Variants in ADAM28 observed in about 807,000 individuals in gnomAD.
ADAM28 encodes the protein disintegrin and metalloproteinase domain-containing protein 28.
ADAM28 carries 105 observed loss-of-function variants against 101.2 expected under a neutral mutation model. The observed-to-expected ratio is 1.04, with a 90% confidence interval of 0.89 to 1.22. ADAM28 has a LOEUF of 1.22. ADAM28 is among the 50% of genes most tolerant of loss of function. The pLI is 0.00. For synonymous variants in ADAM28, 322 were observed against 310.6 expected, an observed-to-expected ratio of 1.04 and a Z score of -0.39; for missense variants, 1,028 against 945.4, an observed-to-expected ratio of 1.09 and a Z score of -1.15.
chr8:24,325,159 T>C (rs1812372270), intron 9 of ADAM28: 1 of 151,962 alleles, frequency 6.6e-6, no homozygotes, highest in African/African-American at 2.4e-5. Context: ...TCATAGCTGG[T>C]AAGTAATAAG....
At chr8:24,350,879 T>G (rs77299095) in intron 19 of ADAM28, among the ~76,000 whole-genome samples, 1 of 149,394 alleles carries the variant, frequency 6.7e-6, no homozygotes, top group Non-Finnish European at 1.5e-5. Flanking sequence ...TTTTTTTTTT[T>G]TTTTTTTTTT....
rs1467726919 is a variant in ADAM28, at chr8:24,357,404, A to T, written c.*3000A>T. Reference sequence around the variant, plus strand: ...GGTAATTTATAAAGAAAGGAGGATTAATTGACTCAGATTTCCACATGGCCT... The same window carrying T: ...GGTAATTTATAAAGAAAGGAGGATTTATTGACTCAGATTTCCACATGGCCT... On this transcript the variant is annotated 3_prime_UTR_variant, in exon 23 of 23. Coordinates refer to ENST00000265769, the MANE Select transcript of ADAM28 (RefSeq NM_014265.6). The T allele has an allele frequency of 6.6e-6, 1 of 152,218 alleles. No individual in the cohort carries two copies. Among genetic ancestry groups the T allele is most frequent in the African/African-American group, 2.4e-5 (1 of 41,456 alleles). 9.4% of individuals were successfully genotyped at this position (152,218 alleles called of 1,614,324 possible).
chr8:24,317,802 A>G (rs925457102), intron 6 of ADAM28, among the ~76,000 whole-genome samples: 1 of 152,026 alleles, frequency 6.6e-6, no homozygotes, highest in Non-Finnish European at 1.5e-5. Context: ...AACAGTGGTT[A>G]CCAGGGTCTA....
At chr8:24,345,580 A>C (rs1193441966) in intron 18 of ADAM28, among the ~76,000 whole-genome samples, 1 of 151,678 alleles carries the variant, frequency 6.6e-6, no homozygotes, top group African/African-American at 2.4e-5. Flanking sequence ...GCTTTTTTAC[A>C]GTCTATATTT....
At chr8:24,348,131 G>T (rs1267863404) in intron 18 of ADAM28, among the ~76,000 whole-genome samples, 1 of 151,748 alleles carries the variant, frequency 6.6e-6, no homozygotes, top group African/African-American at 2.4e-5. Context: ...TAGACTTATT[G>T]ATTTTATTAT....
At chr8:24,339,593 C>T (rs1343275903) in intron 15 of ADAM28, 25 bp downstream of exon 15, 4 of 1,570,686 alleles carry the variant, frequency 2.5e-6, no homozygotes, top group Non-Finnish European at 2.6e-6. Flanking sequence ...CTGAACCTTC[C>T]TGCTTCACAG....
chr8:24,351,130 A>C (rs923522342), intron 19 of ADAM28, 102 bp from the exon 20 acceptor site: 3 of 988,016 alleles, frequency 3.0e-6, no homozygotes, highest in African/African-American at 1.7e-5. Context: ...ATAGGCAAGA[A>C]AGACACAATG....
At chr8:24,343,475 G>T in intron 17 of ADAM28, 31 bp from the exon 18 acceptor site, 1 of 1,607,530 alleles carries the variant, frequency 6.2e-7, no homozygotes, top group East Asian at 2.2e-5. Context: ...TCAGCCTAGC[G>T]GGGACAGTAA....
intron 11 of ADAM28, 45 bp downstream of exon 11, chr8:24,330,160 T>C: frequency 6.3e-7 from 1 of 1,593,652 alleles, no homozygotes; most frequent in Admixed American, 1.7e-5. Flanking sequence ...AGCCCTGGTT[T>C]TGATCCACTG....
intron 6 of ADAM28, 31 bp downstream of exon 6, chr8:24,313,611 C>T (rs367696254): frequency 1.3e-6 from 2 of 1,598,648 alleles, no homozygotes; most frequent in South Asian, 2.3e-5. Flanking sequence ...TTGAAATGCT[C>T]TCATGTATTC....
intron 6 of ADAM28, among the ~76,000 whole-genome samples, 173 bp downstream of exon 6, chr8:24,313,753 C>A (rs1447077442): frequency 6.7e-6 from 1 of 148,786 alleles, no homozygotes; most frequent in Non-Finnish European, 1.5e-5. Flanking sequence ...ACTTAGGAAT[C>A]AACTATTTTT....
At chr8:24,335,840 A>C (rs1045819457) in intron 14 of ADAM28, 199 bp downstream of exon 14, 1 of 1,247,134 alleles carries the variant, frequency 8.0e-7, no homozygotes, top group African/African-American at 1.5e-5. Flanking sequence ...GGCCCCGTTA[A>C]ATTTTAACTT....
intron 4 of ADAM28, among the ~76,000 whole-genome samples, chr8:24,310,706 T>C (rs1563276246): frequency 6.6e-6 from 1 of 152,192 alleles, no homozygotes; most frequent in Non-Finnish European, 1.5e-5. Flanking sequence ...TGAGGGGTCA[T>C]GCACCATTAC....
rs1554523920 is a variant in ADAM28 at position 24,354,376 on chromosome 8, T to TGTCG, written c.2308-8_2308-7insGTCG. The TGTCG allele has an allele frequency of 1.9e-6, 3 of 1,598,050 alleles. No homozygotes were observed. In the East Asian group the frequency reaches 6.8e-5, roughly 36 times the overall value. ...AAGTTGATCATTTAGAAGTTATGTCTTTTTTAGGACTCAAATCCAAAAGCA... is the reference window on the plus strand; with the variant it reads ...AAGTTGATCATTTAGAAGTTATGTCTGTCGTTTTTAGGACTCAAATCCAAAAGCA... On this transcript the variant is annotated splice_polypyrimidine_tract_variant and splice_region_variant and intron_variant, in intron 22 of 22. Coordinates refer to ENST00000265769, the MANE Select transcript of ADAM28 (RefSeq NM_014265.6).
At chr8:24,342,043 A>T (rs1199061293) in intron 16 of ADAM28, among the ~76,000 whole-genome samples, 1 of 152,214 alleles carries the variant, frequency 6.6e-6, no homozygotes, top group African/African-American at 2.4e-5. Flanking sequence ...TCATATCGTC[A>T]TGCAGATAAC....
Position 24,306,355 on chromosome 8 carries a change from A to ATATATAT in ADAM28, c.151-3539_151-3538insTATATAT, listed in dbSNP as rs1489348958. Reference sequence around the variant, plus strand: ...TGAGACTCCATCTCAAATACAAATAAATAAATAAATATATATATATATATA... The same window carrying ATATATAT: ...TGAGACTCCATCTCAAATACAAATAATATATATATAAATAAATATATATATATATATA... On this transcript the variant is annotated intron_variant, in intron 2 of 22. Transcript: ENST00000265769. Among the ~76,000 whole-genome samples, 1,013 of 107,518 alleles carry ATATATAT rather than the reference A, an allele frequency of 9.4e-3. 46 individuals carry two copies. Among genetic ancestry groups the ATATATAT allele is most frequent in the African/African-American group, 0.032 (825 of 25,502 alleles). The allele number at this position is 107,518 out of a possible 152,430, so 70.5% of individuals were successfully genotyped here. A position where few individuals can be genotyped will look rare whatever the true frequency, so the allele number is the denominator to read the frequency against.
At chr8:24,345,028 CAAA>C (rs199510483) in intron 18 of ADAM28, among the ~76,000 whole-genome samples, 2 of 126,832 alleles carry the variant, frequency 1.6e-5, no homozygotes, top group African/African-American at 5.6e-5. Flanking sequence ...TATTTAATGT[CAAA>C]AAAAAAAAAA....
chr8:24,351,960 T>G, intron 20 of ADAM28, 27 bp from the exon 21 acceptor site: 1 of 1,612,064 alleles, frequency 6.2e-7, no homozygotes, highest in Non-Finnish European at 8.5e-7. Context: ...TAATGGTTCA[T>G]TTTGAAATAT....
chr8:24,317,514 A>AC (rs1161015528), intron 6 of ADAM28, among the ~76,000 whole-genome samples: 1 of 152,048 alleles, frequency 6.6e-6, no homozygotes, highest in Non-Finnish European at 1.5e-5. Context: ...CTTTTCTTAT[A>AC]CCATAACTAA....
Sources: gnomAD v4.1 joint callset for allele counts (sites outside exome capture counted in the v4.1 genomes callset) on GRCh38, gnomAD v4.1.1 for gene constraint, MANE v1.5 for transcripts, NCBI Gene and HGNC (gene_info 2026-07-23, HGNC 2026-07-21) for gene names.